Variants in GRAMD2B observed in about 807,000 individuals in gnomAD.
The protein encoded by GRAMD2B is GRAM domain-containing protein 2B.
GRAMD2B carries 41 observed loss-of-function variants against 59.2 expected under a neutral mutation model. That is an observed-to-expected ratio of 0.69 (90% CI 0.54 to 0.90). The LOEUF is 0.90. Among genes scored for constraint, GRAMD2B ranks in the 40% least tolerant of loss-of-function variants. The probability of loss-of-function intolerance (pLI) is 0.00; values close to 1 mark genes in which losing one functional copy is unlikely to be tolerated. For missense variants in GRAMD2B, 424 were observed against 500.5 expected, an observed-to-expected ratio of 0.85 and a Z score of 1.46; for synonymous variants, 161 against 182.7, an observed-to-expected ratio of 0.88 and a Z score of 0.96.
At chr5:126,402,150 G>A (rs1757892713) in intron 1 of GRAMD2B, among the ~76,000 whole-genome samples, 1 of 152,054 alleles carries the variant, frequency 6.6e-6, no homozygotes, top group South Asian at 2.1e-4. Context: ...CACATCCAGT[G>A]CCTTCAATAG....
At chr5:126,476,419 TG>T (rs1156282578) in intron 5 of GRAMD2B, among the ~76,000 whole-genome samples, 2 of 152,218 alleles carry the variant, frequency 1.3e-5, no homozygotes, top group Admixed American at 1.3e-4. Flanking sequence ...CATTTTACCA[TG>T]GCTGTGCGTG....
At chr5:126,491,168 T>A (rs2126988430) in intron 13 of GRAMD2B, among the ~76,000 whole-genome samples, 1 of 152,296 alleles carries the variant, frequency 6.6e-6, no homozygotes, top group South Asian at 2.1e-4. Context: ...TTGGGTTTTG[T>A]GTGTGTGTCA....
At chr5:126,451,713 G>A (rs1478888099) in intron 1 of GRAMD2B, among the ~76,000 whole-genome samples, 1 of 152,102 alleles carries the variant, frequency 6.6e-6, no homozygotes, top group Non-Finnish European at 1.5e-5. Context: ...GAATGATATG[G>A]TTTGGATATT....
At chr5:126,450,657 A>G (rs1332874942) in intron 1 of GRAMD2B, among the ~76,000 whole-genome samples, 1 of 134,314 alleles carries the variant, frequency 7.4e-6, no homozygotes, top group Non-Finnish European at 1.6e-5. Context: ...GCTGTTAAAA[A>G]AAAAAAAAAA....
At chr5:126,360,221 A>C (rs758057784) in exon 1 of GRAMD2B, 17 of 1,321,056 alleles carry the variant, frequency 1.3e-5, no homozygotes, top group Non-Finnish European at 1.7e-5. Flanking sequence ...CTTGTGAGCG[A>C]AAAGCACACC....
intron 3 of GRAMD2B, among the ~76,000 whole-genome samples, chr5:126,470,293 G>T (rs191079205): frequency 6.6e-6 from 1 of 152,194 alleles, no homozygotes; most frequent in South Asian, 2.1e-4. Context: ...TCATCAGAGA[G>T]TGTGATGCAT....
upstream of GRAMD2B, among the ~76,000 whole-genome samples, chr5:126,422,759 A>G (rs150286791): frequency 8.3e-3 from 1,264 of 152,350 alleles, 24 homozygotes; most frequent in African/African-American, 0.029. Context: ...CATTCACGGT[A>G]CTGGTTGAGT....
chr5:126,430,677 G>A (rs564414720), intron 1 of GRAMD2B, among the ~76,000 whole-genome samples: 1 of 152,112 alleles, frequency 6.6e-6, no homozygotes, highest in East Asian at 1.9e-4. Context: ...ATAAATATAT[G>A]TCTTTTCACA....
chr5:126,486,655 A>T (rs1219835130), intron 11 of GRAMD2B, among the ~76,000 whole-genome samples: 1 of 152,182 alleles, frequency 6.6e-6, no homozygotes, highest in Non-Finnish European at 1.5e-5. Flanking sequence ...CATTATTTGC[A>T]AATTAAGGGA....
At chr5:126,389,303 C>T (rs1772740527) in intron 1 of GRAMD2B, among the ~76,000 whole-genome samples, 1 of 152,172 alleles carries the variant, frequency 6.6e-6, no homozygotes, top group South Asian at 2.1e-4. Context: ...ACTTGAAATA[C>T]CTTTGGCTGG....
intron 1 of GRAMD2B, among the ~76,000 whole-genome samples, chr5:126,386,794 T>C (rs1212063034): frequency 6.6e-6 from 1 of 152,158 alleles, no homozygotes; most frequent in Non-Finnish European, 1.5e-5. Flanking sequence ...TGGACTATTC[T>C]GAGGATTAGG....
intron 1 of GRAMD2B, among the ~76,000 whole-genome samples, chr5:126,363,554 G>C (rs1361565461): frequency 1.3e-5 from 2 of 152,102 alleles, no homozygotes; most frequent in Non-Finnish European, 2.9e-5. Context: ...AACAATCCAA[G>C]TCTCCATCAA....
chr5:126,440,020 C>CT (rs947463523), intron 1 of GRAMD2B, among the ~76,000 whole-genome samples: 26 of 151,330 alleles, frequency 1.7e-4, no homozygotes, highest in African/African-American at 5.8e-4. Context: ...CATTAAAACT[C>CT]TTTTTTTTTA....
intron 12 of GRAMD2B, among the ~76,000 whole-genome samples, chr5:126,487,799 T>C (rs1424102503): frequency 1.3e-5 from 2 of 152,216 alleles, no homozygotes; most frequent in African/African-American, 4.8e-5. Flanking sequence ...GTTTAATGTC[T>C]TACAGTTTGC....
rs185711534 is a variant in GRAMD2B, at chr5:126,361,688, G to A, written c.128+1229G>A. Among the ~76,000 whole-genome samples, 137 of 152,194 alleles carry A rather than the reference G, an allele frequency of 9.0e-4. 1 individual carries two copies. Among genetic ancestry groups the A allele is most frequent in the Non-Finnish European group, 1.6e-3 (108 of 68,006 alleles). On this transcript the variant is annotated intron_variant, in intron 1 of 13. Coordinates refer to the GRAMD2B transcript ENST00000513040. Reference sequence around the variant, plus strand: ...AACTGCCCAGGGCTCTGCAGTTCTCGTGATGGCCCAGCCCAGTCACCAAAC... The same window carrying A: ...AACTGCCCAGGGCTCTGCAGTTCTCATGATGGCCCAGCCCAGTCACCAAAC...
At chr5:126,428,963 G>T (rs1428711872) in intron 1 of GRAMD2B, among the ~76,000 whole-genome samples, 1 of 152,278 alleles carries the variant, frequency 6.6e-6, no homozygotes, top group Middle Eastern at 3.4e-3. Context: ...TTTGACCATC[G>T]TGGAAGACAG....
intron 1 of GRAMD2B, among the ~76,000 whole-genome samples, chr5:126,415,213 A>G (rs1759162852): frequency 6.6e-6 from 1 of 152,146 alleles, no homozygotes; most frequent in African/African-American, 2.4e-5. Flanking sequence ...GTGACCCAAA[A>G]CAAAAGAACA....
chr5:126,420,589 C>G (rs978941945), upstream of GRAMD2B, among the ~76,000 whole-genome samples: 2 of 152,156 alleles, frequency 1.3e-5, no homozygotes, highest in Non-Finnish European at 2.9e-5. Flanking sequence ...TTTAGGGTAA[C>G]TGAGTGCTCT....
chr5:126,436,056 T>C (rs897344578), intron 1 of GRAMD2B, among the ~76,000 whole-genome samples: 1 of 152,184 alleles, frequency 6.6e-6, no homozygotes, highest in African/African-American at 2.4e-5. Context: ...TCACTGGAGT[T>C]GCAAGCTTCT....
Sources: gnomAD v4.1 joint callset for allele counts (sites outside exome capture counted in the v4.1 genomes callset) on GRCh38, gnomAD v4.1.1 for gene constraint, MANE v1.5 for transcripts, NCBI Gene and HGNC (gene_info 2026-07-23, HGNC 2026-07-21) for gene names.